Variants in FGFR2 observed in about 807,000 individuals in gnomAD.
FGFR2 encodes the protein BEK fibroblast growth factor receptor.
A neutral mutation model predicts 95.9 loss-of-function variants in FGFR2; 19 were observed. The observed-to-expected ratio is 0.20, with a 90% confidence interval of 0.14 to 0.29. FGFR2 has a LOEUF of 0.29. Ranked by LOEUF, FGFR2 falls within the 10% of genes least tolerant of loss-of-function variation. FGFR2 has a pLI of 1.00. For synonymous variants in FGFR2, 392 were observed against 393.3 expected (o/e 1.00, Z 0.04); for missense variants, 707 against 1,056.9 (o/e 0.67, Z 4.59).
chr10:121,502,815 G>C (rs1847769036), intron 10 of FGFR2, among the ~76,000 whole-genome samples: 1 of 152,156 alleles, frequency 6.6e-6, no homozygotes, highest in African/African-American at 2.4e-5. Flanking sequence ...CCCCAGAAGT[G>C]AGTGGACAGC....
At chr10:121,574,008 C>T (rs1247579474) in intron 2 of FGFR2, among the ~76,000 whole-genome samples, 6 of 152,182 alleles carry the variant, frequency 3.9e-5, no homozygotes, top group South Asian at 2.1e-4. Flanking sequence ...CGCCACTGTC[C>T]TCCCTGGTCC....
At chr10:121,492,638 G>T (rs1371573269) in intron 13 of FGFR2, among the ~76,000 whole-genome samples, 1 of 152,196 alleles carries the variant, frequency 6.6e-6, no homozygotes, top group Non-Finnish European at 1.5e-5. Flanking sequence ...CCTTTGCCTG[G>T]TTCTTCATTC....
chr10:121,567,920 G>A (rs975748868), intron 2 of FGFR2, among the ~76,000 whole-genome samples: 3 of 152,228 alleles, frequency 2.0e-5, no homozygotes, highest in Non-Finnish European at 4.4e-5. Context: ...AAGACAATCA[G>A]AGAGACTTCT....
chr10:121,482,161 G>A, intron 17 of FGFR2: 1 of 1,612,602 alleles, frequency 6.2e-7, no homozygotes, highest in Non-Finnish European at 8.5e-7. Flanking sequence ...TCTCAATGAA[G>A]CCATAAACTT....
chr10:121,564,754 T>C (rs1197445434), intron 3 of FGFR2, among the ~76,000 whole-genome samples, 175 bp from the exon 4 acceptor site: 3 of 152,218 alleles, frequency 2.0e-5, no homozygotes, highest in African/African-American at 4.8e-5. Context: ...CCCTCCATGA[T>C]GACAGTTGGT....
intron 9 of FGFR2, among the ~76,000 whole-genome samples, chr10:121,507,694 T>TA (rs1193893750): frequency 1.3e-5 from 2 of 152,162 alleles, no homozygotes; most frequent in Non-Finnish European, 2.9e-5. Flanking sequence ...GGCCTGGCAC[T>TA]AAGAGCTCAG....
chr10:121,498,082 T>C (rs1484063006), intron 12 of FGFR2, among the ~76,000 whole-genome samples: 1 of 152,238 alleles, frequency 6.6e-6, no homozygotes, highest in Non-Finnish European at 1.5e-5. Flanking sequence ...AGCTCAGCCA[T>C]CTGTGACCCA....
intron 9 of FGFR2, among the ~76,000 whole-genome samples, chr10:121,510,592 G>C (rs781010075): frequency 1.3e-5 from 2 of 151,938 alleles, no homozygotes; most frequent in African/African-American, 4.8e-5. Context: ...CCCCCTTCCC[G>C]GAATTTGGCA....
At chr10:121,487,907 C>T in intron 14 of FGFR2, 84 bp downstream of exon 14, 1 of 1,564,864 alleles carries the variant, frequency 6.4e-7, no homozygotes, top group Non-Finnish European at 8.8e-7. Context: ...TCCCACCCAG[C>T]TCTCAACATT....
intron 1 of FGFR2, 87 bp from the exon 2 acceptor site, chr10:121,594,054 C>A: frequency 1.7e-6 from 1 of 605,190 alleles, no homozygotes; most frequent in South Asian, 1.9e-5. Flanking sequence ...TTTTCAGCCT[C>A]TCAAATGTGC....
At chr10:121,524,099 T>TACACACACAC (rs1491543645) in intron 6 of FGFR2, among the ~76,000 whole-genome samples, 28 of 137,278 alleles carry the variant, frequency 2.0e-4, no homozygotes, top group Middle Eastern at 3.7e-3. Context: ...CCCGGCTATG[T>TACACACACAC]ATACACACAC....
chr10:121,541,868 T>G (rs1185358864), intron 5 of FGFR2, among the ~76,000 whole-genome samples: 4 of 152,212 alleles, frequency 2.6e-5, no homozygotes, highest in African/African-American at 7.2e-5. Context: ...CTATTAAAAT[T>G]AGCAGCACAC....
intron 12 of FGFR2, 87 bp from the exon 13 acceptor site, chr10:121,496,809 C>T (rs1846889935): frequency 1.7e-6 from 2 of 1,203,816 alleles, no homozygotes; most frequent in African/African-American, 1.5e-5. Context: ...GTTATTACAA[C>T]CCATGCTTTT....
At chr10:121,551,076 G>A (rs1279078179) in intron 5 of FGFR2, among the ~76,000 whole-genome samples, 2 of 151,940 alleles carry the variant, frequency 1.3e-5, no homozygotes, top group Admixed American at 6.6e-5. Context: ...AAAAATTAGC[G>A]AGGCATGGTG....
chr10:121,504,876 G>T (rs928086593), intron 9 of FGFR2, among the ~76,000 whole-genome samples: 1 of 152,140 alleles, frequency 6.6e-6, no homozygotes, highest in African/African-American at 2.4e-5. Flanking sequence ...CACTTTTGAG[G>T]ATGACTACGC....
At chr10:121,575,277 T>A (rs1256447022) in intron 2 of FGFR2, among the ~76,000 whole-genome samples, 1 of 151,966 alleles carries the variant, frequency 6.6e-6, no homozygotes, top group African/African-American at 2.4e-5. Flanking sequence ...TACTGAGGAG[T>A]GAGTCACCGT....
At chr10:121,588,972 T>C (rs955670419) in intron 2 of FGFR2, among the ~76,000 whole-genome samples, 3 of 151,558 alleles carry the variant, frequency 2.0e-5, no homozygotes, top group Non-Finnish European at 2.9e-5. Flanking sequence ...GAAAAAAAAA[T>C]AGAGACCATA....
At chr10:121,582,358 G>A (rs935771448) in intron 2 of FGFR2, among the ~76,000 whole-genome samples, 1 of 152,100 alleles carries the variant, frequency 6.6e-6, no homozygotes, top group African/African-American at 2.4e-5. Context: ...GGAGCAAATG[G>A]ATGAAAAAAC....
At chr10:121,524,962 T>C (rs896045080) in intron 6 of FGFR2, among the ~76,000 whole-genome samples, 2 of 152,238 alleles carry the variant, frequency 1.3e-5, no homozygotes, top group African/African-American at 4.8e-5. Context: ...GTTCATCTCT[T>C]CTTCTATGTG....
Sources: allele counts gnomAD v4.1 joint callset (sites outside exome capture counted in the v4.1 genomes callset), GRCh38; gene constraint gnomAD v4.1.1; transcripts MANE v1.5; gene names NCBI Gene and HGNC (gene_info 2026-07-23, HGNC 2026-07-21).